REL: variants seen among roughly 807,000 people sequenced by gnomAD.
REL encodes proto-oncogene c-Rel.
REL carries 15 observed loss-of-function variants against 45.9 expected under a neutral mutation model. The observed-to-expected ratio is 0.33, with a 90% CI of 0.22 to 0.50. The LOEUF (loss-of-function observed/expected upper bound fraction) is 0.50. Among genes scored for constraint, REL ranks in the 20% least tolerant of loss-of-function variants. The pLI is 0.98. For synonymous variants in REL, 239 were observed against 242.1 expected (o/e 0.99, Z 0.12); for missense variants, 601 against 715.2 (o/e 0.84, Z 1.82).
At chr2:60,894,270 C>T (rs1441199581) in intron 2 of REL, 127 bp from the exon 3 acceptor site, 8 of 521,320 alleles carry the variant, frequency 1.5e-5, no homozygotes, top group Middle Eastern at 5.7e-4. Context: ...TGCAGTTGTT[C>T]GTCAGCTGGA....
In REL at chr2:60,888,070, G is replaced by T. The variant is rs1480620367; in HGVS notation, c.11-3613G>T. 2.6e-5 allele frequency among the ~76,000 whole-genome samples: 4 copies of T among 151,930 alleles called. No homozygotes were observed. In the East Asian group the frequency reaches 7.7e-4, roughly 29 times the overall value. ...AGTCTCCCAAGTAGCTGGGATTACA[G>T]GTGCCTGCCACCACATCCCGCTAAT... is the stretch of plus-strand genomic sequence containing the variant. On this transcript the variant is annotated intron_variant, in intron 1 of 9. Coordinates refer to ENST00000394479, the MANE Select transcript of REL (RefSeq NM_001291746.2).
In REL at chr2:60,922,137, C is replaced by G. The variant is rs368347318; in HGVS notation, c.1366C>G (p.Pro456Ala). The change falls in exon 10 of 10, where the codon CCC becomes GCC. Residue 456 changes from proline (P) to alanine (A), a missense_variant. This residue lies in a region of REL where 334 missense variants were observed against 333.1 expected (regional missense o/e 1.00). Transcript: ENST00000394479. Reference protein sequence around the residue: ...PSADLYGISDPNMLSNCSVNM... With the variant: ...PSADLYGISDANMLSNCSVNM... Reference sequence around the variant, plus strand: ...AGCAGATTTATATGGTATTTCTGATCCCAACATGCTGTCTAATTGTTCTGT... The same window carrying G: ...AGCAGATTTATATGGTATTTCTGATGCCAACATGCTGTCTAATTGTTCTGT... 35 of 1,613,974 alleles carry G rather than the reference C, an allele frequency of 2.2e-5. No individual in the cohort carries two copies. The highest frequency in any genetic ancestry group is 2.5e-5 in the Non-Finnish European group (30 of 1,180,030).
intron 4 of REL, among the ~76,000 whole-genome samples, chr2:60,912,607 TAGAA>T (rs1673850260): frequency 1.3e-5 from 2 of 152,090 alleles, no homozygotes; most frequent in African/African-American, 4.8e-5. Flanking sequence ...TATTATAAAA[TAGAA>T]ATAAATCATT....
At chr2:60,906,934 T>C (rs1350385326) in intron 4 of REL, among the ~76,000 whole-genome samples, 2 of 148,418 alleles carry the variant, frequency 1.3e-5, no homozygotes, top group Non-Finnish European at 3.0e-5. Flanking sequence ...TTTTTTCTTT[T>C]CCGAGACAGA....
At chr2:60,897,781 A>G (rs1673388486) in intron 3 of REL, among the ~76,000 whole-genome samples, 1 of 151,194 alleles carries the variant, frequency 6.6e-6, no homozygotes, top group African/African-American at 2.4e-5. Flanking sequence ...AGTTACAGCT[A>G]CTCAGGAGGC....
Position 60,881,696 on chromosome 2 carries a change from C to T in REL, c.-145C>T, listed in dbSNP as rs908781933. The T allele has an allele frequency of 1.8e-5, 11 of 605,554 alleles. No individual in the cohort carries two copies. Among genetic ancestry groups the T allele is most frequent in the African/African-American group, 3.9e-5 (2 of 50,838 alleles). 37.5% of individuals were successfully genotyped at this position (605,554 alleles called of 1,614,324 possible). On this transcript the variant is annotated 5_prime_UTR_variant, in exon 1 of 10. Transcript: ENST00000394479. ...TGTGAGCCGCAAACCCAGCGGAGGGCGGGAAGAAGGAGGAGGCCTCTAGGG... is the reference window on the plus strand; with the variant it reads ...TGTGAGCCGCAAACCCAGCGGAGGGTGGGAAGAAGGAGGAGGCCTCTAGGG...
chr2:60,914,230 G>A (rs930144401), intron 4 of REL, among the ~76,000 whole-genome samples: 4 of 152,210 alleles, frequency 2.6e-5, no homozygotes, highest in African/African-American at 9.7e-5. Flanking sequence ...AAGAAGCTTT[G>A]AGCTGGGGTT....
Position 60,925,314 on chromosome 2 carries a change from A to G in REL, c.*2779A>G, listed in dbSNP as rs1182259787. On this transcript the variant is annotated 3_prime_UTR_variant, in exon 10 of 10. Coordinates refer to ENST00000394479, the MANE Select transcript of REL (RefSeq NM_001291746.2). Reference sequence around the variant, plus strand: ...ATGTGTGAATGCCATAAAAACAAAAATTCTCAGTTAAATGATACTGGGAAA... The same window carrying G: ...ATGTGTGAATGCCATAAAAACAAAAGTTCTCAGTTAAATGATACTGGGAAA... 1 of 193,420 alleles carries G rather than the reference A, an allele frequency of 5.2e-6. No homozygotes were observed. Among genetic ancestry groups the G allele is most frequent in the African/African-American group, 2.3e-5 (1 of 43,160 alleles). 12.0% of individuals were successfully genotyped at this position (193,420 alleles called of 1,614,324 possible). A position where few individuals can be genotyped will look rare whatever the true frequency, so the allele number is the denominator to read the frequency against.
rs779642820 is a variant in REL, at chr2:60,922,435, A to G, written c.1664A>G (p.Asn555Ser). ...GGACCATCAAACAGTACTAATCCAA[A>G]CAGTCATGGTTTTGTTCAAGATAGT... ...ESGPSNSTNP[N>S]SHGFVQDSQY... Residue 555 changes from asparagine (N) to serine (S), a missense_variant, in exon 10 of 10, where the codon AAC (asparagine) becomes AGC (serine). Coordinates refer to ENST00000394479, the MANE Select transcript of REL (RefSeq NM_001291746.2). 1 of 1,613,970 alleles carries G rather than the reference A, an allele frequency of 6.2e-7. No homozygotes were observed. The highest frequency in any genetic ancestry group is 8.5e-7 in the Non-Finnish European group (1 of 1,179,960).
intron 3 of REL, chr2:60,899,049 G>T (rs1348096436): frequency 6.6e-6 from 1 of 152,060 alleles, no homozygotes; most frequent in Non-Finnish European, 1.5e-5. Flanking sequence ...ACAAAATGAA[G>T]TAATATAAAT....
At chr2:60,910,061 T>G (rs1202039454) in intron 4 of REL, among the ~76,000 whole-genome samples, 1 of 152,148 alleles carries the variant, frequency 6.6e-6, no homozygotes, top group Non-Finnish European at 1.5e-5. Context: ...TTATGAAAAA[T>G]ATAGCATGAT....
At chr2:60,897,898 A>G (rs1348402208) in intron 3 of REL, among the ~76,000 whole-genome samples, 1 of 150,734 alleles carries the variant, frequency 6.6e-6, no homozygotes, top group Non-Finnish European at 1.5e-5. Flanking sequence ...CAAATAGAAT[A>G]TTCCCCAAAC....
At position 60,924,902 on chromosome 2, in the gene REL, A is replaced by G. The variant is rs1363096086; in HGVS notation, c.*2367A>G. 4.7e-6 allele frequency: 1 copy of G among 213,358 alleles called. No homozygotes were observed. Among genetic ancestry groups the G allele is most frequent in the Non-Finnish European group, 9.5e-6 (1 of 105,452 alleles). 13.2% of individuals were successfully genotyped at this position (213,358 alleles called of 1,614,324 possible). On this transcript the variant is annotated 3_prime_UTR_variant, in exon 10 of 10. Transcript: ENST00000394479. Reference sequence around the variant, plus strand: ...TTATGTGAGTTGTTATAGCTGTAACATTACACTTTATTTGCTGTTTGTGTT... The same window carrying G: ...TTATGTGAGTTGTTATAGCTGTAACGTTACACTTTATTTGCTGTTTGTGTT...
At chr2:60,908,879 G>T (rs1001981032) in intron 4 of REL, among the ~76,000 whole-genome samples, 1 of 152,134 alleles carries the variant, frequency 6.6e-6, no homozygotes, top group African/African-American at 2.4e-5. Flanking sequence ...GTCTGAAAGG[G>T]AATACAGTTT....
At chr2:60,915,259 T>G (rs943080129) in intron 4 of REL, among the ~76,000 whole-genome samples, 1 of 152,250 alleles carries the variant, frequency 6.6e-6, no homozygotes, top group African/African-American at 2.4e-5. Flanking sequence ...AATTTATCTT[T>G]TTTGCATATT....
At chr2:60,885,583 A>T (rs1300958124) in intron 1 of REL, among the ~76,000 whole-genome samples, 1 of 152,190 alleles carries the variant, frequency 6.6e-6, no homozygotes, top group South Asian at 2.1e-4. Context: ...AGCCTGATGT[A>T]TTGGAGTAAT....
intron 2 of REL, among the ~76,000 whole-genome samples, chr2:60,892,340 T>C (rs1673235088): frequency 6.6e-6 from 1 of 152,166 alleles, no homozygotes; most frequent in Non-Finnish European, 1.5e-5. Flanking sequence ...ATAAATGCAG[T>C]TTTTTCACAT....
At position 60,922,647 on chromosome 2, in the gene REL, A is replaced by T; in HGVS notation, c.*112A>T. The T allele has an allele frequency of 1.5e-6, 2 of 1,366,350 alleles. No individual in the cohort carries two copies. Among genetic ancestry groups the T allele is most frequent in the South Asian group, 1.8e-5 (1 of 55,884 alleles). The allele number at this position is 1,366,350 out of a possible 1,614,324, so 84.6% of individuals were successfully genotyped here. On this transcript the variant is annotated 3_prime_UTR_variant, in exon 10 of 10. Coordinates refer to ENST00000394479, the MANE Select transcript of REL (RefSeq NM_001291746.2). ...TATTTATACTGTATATATAATACTG[A>T]CTGAGAATATAATACTGTATTTGAG...
chr2:60,881,825 T>G lies in REL; in HGVS notation c.-16T>G. The G allele has an allele frequency of 6.6e-7, 1 of 1,522,504 alleles. No homozygotes were observed. Among genetic ancestry groups the G allele is most frequent in the Non-Finnish European group, 8.8e-7 (1 of 1,136,172 alleles). 94.3% of individuals were successfully genotyped at this position (1,522,504 alleles called of 1,614,324 possible). A position where few individuals can be genotyped will look rare whatever the true frequency, so the allele number is the denominator to read the frequency against. ...ACGCTGGGAGCTGCCTGCGGGAAGG[T>G]GCGGGGAGCGGAGCCATGGCCTCCG... On this transcript the variant is annotated 5_prime_UTR_variant, in exon 1 of 10. Transcript: ENST00000394479.
Sources: gnomAD v4.1 joint callset for allele counts (sites outside exome capture counted in the v4.1 genomes callset) on GRCh38, gnomAD v4.1.1 for gene constraint, gnomAD v4.1.1 regional missense constraint, MANE v1.5 for transcripts, NCBI Gene and HGNC (gene_info 2026-07-23, HGNC 2026-07-21) for gene names.